ZFHX3: variants seen among roughly 807,000 people sequenced by gnomAD.
ZFHX3 encodes zinc finger homeobox protein 3.
A neutral mutation model predicts 279.1 loss-of-function variants in ZFHX3; 42 were observed. The observed-to-expected ratio is 0.15, with a 90% CI of 0.12 to 0.19. ZFHX3 has a LOEUF of 0.19. Ranked by LOEUF, ZFHX3 falls within the 10% of genes least tolerant of loss-of-function variation. The pLI is 1.00. For synonymous variants in ZFHX3, 2,293 were observed against 1,957.8 expected (o/e 1.17, Z -4.52); for missense variants, 4,981 against 4,754.0 (o/e 1.05, Z -1.40).
chr16:73,331,381 T>TGAGA (rs2090180510), intron 3 of ZFHX3, among the ~76,000 whole-genome samples: 1 of 152,192 alleles, frequency 6.6e-6, no homozygotes, highest in Non-Finnish European at 1.5e-5. Context: ...AAGGGCATCC[T>TGAGA]GAGAGTAGAA....
chr16:73,117,191 C>T (rs1264871035), intron 7 of ZFHX3, among the ~76,000 whole-genome samples: 2 of 152,164 alleles, frequency 1.3e-5, no homozygotes, highest in East Asian at 3.9e-4. Context: ...TTCTTTCCTT[C>T]CCTCTTTCCT....
At chr16:73,792,131 A>T (rs1482224330) in intron 1 of ZFHX3, among the ~76,000 whole-genome samples, 1 of 152,254 alleles carries the variant, frequency 6.6e-6, no homozygotes, top group Non-Finnish European at 1.5e-5. Context: ...TGCTGCCCAC[A>T]GATGATTTAA....
chr16:72,995,265 C>G (rs1265436198), intron 1 of ZFHX3, among the ~76,000 whole-genome samples: 2 of 152,138 alleles, frequency 1.3e-5, no homozygotes, highest in Non-Finnish European at 2.9e-5. Flanking sequence ...TCACCATAAA[C>G]AAGCTGTTCA....
intron 5 of ZFHX3, among the ~76,000 whole-genome samples, chr16:73,160,674 T>G (rs547881649): frequency 1.3e-5 from 2 of 152,126 alleles, no homozygotes; most frequent in East Asian, 3.9e-4. Flanking sequence ...TTACCATGAG[T>G]GCAAGAAAGA....
intron 2 of ZFHX3, among the ~76,000 whole-genome samples, chr16:73,626,648 C>T (rs2052419879): frequency 6.6e-6 from 1 of 152,116 alleles, no homozygotes; most frequent in Admixed American, 6.5e-5. Context: ...TACCATCTTT[C>T]TCTGGAATGC....
chr16:73,692,544 C>T (rs141604818), intron 1 of ZFHX3, among the ~76,000 whole-genome samples: 3 of 152,282 alleles, frequency 2.0e-5, no homozygotes, highest in Admixed American at 2.0e-4. Flanking sequence ...AACACAGTAA[C>T]AAAGGTTGCC....
At chr16:73,732,585 G>C (rs755434936) in intron 1 of ZFHX3, among the ~76,000 whole-genome samples, 1 of 152,166 alleles carries the variant, frequency 6.6e-6, no homozygotes, top group Non-Finnish European at 1.5e-5. Context: ...GGATCTAATA[G>C]ACCTGTACTT....
intron 5 of ZFHX3, among the ~76,000 whole-genome samples, chr16:73,227,897 A>G (rs1215177690): frequency 1.3e-5 from 2 of 151,716 alleles, no homozygotes; most frequent in Non-Finnish European, 2.9e-5. Context: ...AAACAACAAT[A>G]ACAACAATTA....
At chr16:73,221,185 T>C (rs1234004263) in intron 5 of ZFHX3, among the ~76,000 whole-genome samples, 1 of 152,190 alleles carries the variant, frequency 6.6e-6, no homozygotes. Context: ...CTTGAGAATG[T>C]GCTTTTCTAT....
chr16:73,589,830 TA>T (rs1285923247), intron 2 of ZFHX3, among the ~76,000 whole-genome samples: 1 of 119,346 alleles, frequency 8.4e-6, no homozygotes, highest in Admixed American at 9.4e-5. Flanking sequence ...AAAACAGCAA[TA>T]AACTAGAAAT....
rs534752992 is a variant in ZFHX3, at chr16:73,398,739, G to T, written c.-1291+57264C>A. On this transcript the variant is annotated intron_variant, in intron 3 of 17. Transcript: ENST00000641206. ...ATTTCTTACATAAGCCGACCCATAA[G>T]CACATCATTTGTAGTAGATGATGGC... is the stretch of plus-strand genomic sequence containing the variant. Among the ~76,000 whole-genome samples, 33 of 152,332 alleles carry T rather than the reference G, an allele frequency of 2.2e-4. No homozygotes were observed. The South Asian group carries it at 6.8e-3, about 32-fold the overall frequency.
chr16:72,888,346 C>A (rs2038682794), intron 4 of ZFHX3, among the ~76,000 whole-genome samples: 1 of 152,146 alleles, frequency 6.6e-6, no homozygotes, highest in African/African-American at 2.4e-5. Context: ...AGACAAGCTG[C>A]CATTAAGAAG....
chr16:72,813,698 AT>A (rs2036526265), intron 5 of ZFHX3, among the ~76,000 whole-genome samples: 1 of 152,104 alleles, frequency 6.6e-6, no homozygotes, highest in Non-Finnish European at 1.5e-5. Flanking sequence ...CTTCAAACCC[AT>A]TTTGCTCTTA....
chr16:73,598,207 C>G (rs1439716820), intron 2 of ZFHX3, among the ~76,000 whole-genome samples: 1 of 152,130 alleles, frequency 6.6e-6, no homozygotes, highest in Non-Finnish European at 1.5e-5. Context: ...TAACAAATTT[C>G]TGCATTTCAG....
At position 73,636,184 on chromosome 16, in the gene ZFHX3, G is replaced by A. The variant is rs138830097; in HGVS notation, c.-1547+43996C>T. ...AGCAGATCACTTTCCTTAACTTGACGTCTCCAACTGTGTATTACTAGACTC... is the reference window on the plus strand; with the variant it reads ...AGCAGATCACTTTCCTTAACTTGACATCTCCAACTGTGTATTACTAGACTC... On this transcript the variant is annotated intron_variant, in intron 2 of 17. Coordinates refer to the ZFHX3 transcript ENST00000641206. 3.0e-4 allele frequency among the ~76,000 whole-genome samples: 45 copies of A among 152,090 alleles called. 1 individual carries two copies. In the South Asian group the frequency reaches 4.6e-3, roughly 15 times the overall value.
intron 5 of ZFHX3, among the ~76,000 whole-genome samples, chr16:73,255,476 G>C (rs1459562110): frequency 6.6e-6 from 1 of 152,182 alleles, no homozygotes; most frequent in African/African-American, 2.4e-5. Flanking sequence ...CACACACAAT[G>C]CCTTGCCTGT....
chr16:73,197,967 T>G (rs1198599604), intron 5 of ZFHX3, among the ~76,000 whole-genome samples: 2 of 139,384 alleles, frequency 1.4e-5, no homozygotes, highest in South Asian at 2.4e-4. Flanking sequence ...AGATGGAGTA[T>G]TGCTCTGTCG....
intron 2 of ZFHX3, among the ~76,000 whole-genome samples, chr16:73,594,504 G>A (rs539797414): frequency 6.6e-6 from 1 of 152,178 alleles, no homozygotes; most frequent in Admixed American, 6.5e-5. Context: ...AGACTGGGAG[G>A]TGATAAGACT....
chr16:73,669,728 T>A (rs1386603402), intron 2 of ZFHX3, among the ~76,000 whole-genome samples: 1 of 152,230 alleles, frequency 6.6e-6, no homozygotes, highest in East Asian at 1.9e-4. Context: ...TGCTTTCACT[T>A]TAGTTTCAAC....
Sources: gnomAD v4.1 joint callset for allele counts (sites outside exome capture counted in the v4.1 genomes callset) on GRCh38, gnomAD v4.1.1 for gene constraint, MANE v1.5 for transcripts, NCBI Gene and HGNC (gene_info 2026-07-23, HGNC 2026-07-21) for gene names.